Variants in TSPAN5 observed in about 807,000 individuals in gnomAD.
TSPAN5 encodes tetraspanin 5.
Under a neutral mutation model 37.1 loss-of-function variants are expected in TSPAN5, and 10 were observed. The ratio of observed to expected loss-of-function variants is 0.27; its 90% CI spans 0.17 to 0.46. The LOEUF is 0.46. Among genes scored for constraint, TSPAN5 ranks in the 20% least tolerant of loss-of-function variants. The pLI, the probability that TSPAN5 is intolerant of heterozygous loss-of-function variation, is 1.00. For missense variants in TSPAN5, 195 were observed against 326.6 expected, an observed-to-expected ratio of 0.60 and a Z score of 3.11; for synonymous variants, 110 against 118.9, an observed-to-expected ratio of 0.93 and a Z score of 0.48.
At chr4:98,524,287 G>A (rs1347434672) in intron 1 of TSPAN5, among the ~76,000 whole-genome samples, 1 of 152,180 alleles carries the variant, frequency 6.6e-6, no homozygotes, top group Non-Finnish European at 1.5e-5. Context: ...TAACCAGAGA[G>A]GGTCGCCATG....
At chr4:98,603,090 C>T (rs1156399838) in intron 1 of TSPAN5, among the ~76,000 whole-genome samples, 2 of 152,226 alleles carry the variant, frequency 1.3e-5, no homozygotes, top group Non-Finnish European at 1.5e-5. Context: ...TTTCCTTCTT[C>T]TATACCTTTG....
intron 1 of TSPAN5, among the ~76,000 whole-genome samples, chr4:98,608,834 A>T (rs182060273): frequency 4.3e-4 from 66 of 151,898 alleles, no homozygotes; most frequent in African/African-American, 1.5e-3. Flanking sequence ...TAAGTCCACA[A>T]CCTTATACTC....
At chr4:98,590,914 G>T (rs1460781815) in intron 1 of TSPAN5, among the ~76,000 whole-genome samples, 1 of 152,052 alleles carries the variant, frequency 6.6e-6, no homozygotes, top group Admixed American at 6.6e-5. Flanking sequence ...ACCTGAGAAG[G>T]CAAGCAGGAA....
intron 1 of TSPAN5, among the ~76,000 whole-genome samples, chr4:98,578,254 C>G (rs549764754): frequency 6.6e-6 from 1 of 152,248 alleles, no homozygotes; most frequent in South Asian, 2.1e-4. Context: ...CCTGCAGAGC[C>G]AACACATCTG....
intron 1 of TSPAN5, among the ~76,000 whole-genome samples, chr4:98,615,462 A>G (rs1756303061): frequency 6.6e-6 from 1 of 152,144 alleles, no homozygotes; most frequent in Non-Finnish European, 1.5e-5. Context: ...TTATTTCTAG[A>G]TTCTCAAATG....
intron 1 of TSPAN5, among the ~76,000 whole-genome samples, chr4:98,614,564 T>C (rs1756275169): frequency 6.6e-6 from 1 of 152,202 alleles, no homozygotes; most frequent in Admixed American, 6.5e-5. Context: ...TGAGCCACTC[T>C]TGTTTTTTAA....
chr4:98,541,150 C>G (rs1754348093), intron 1 of TSPAN5, among the ~76,000 whole-genome samples: 1 of 152,170 alleles, frequency 6.6e-6, no homozygotes, highest in African/African-American at 2.4e-5. Context: ...TCATTCCCTC[C>G]TTCTCTAGAC....
At chr4:98,657,236 G>A (rs1443322092) in intron 1 of TSPAN5, among the ~76,000 whole-genome samples, 1 of 152,138 alleles carries the variant, frequency 6.6e-6, no homozygotes, top group Non-Finnish European at 1.5e-5. Context: ...AAGAGTAGGC[G>A]TCCCAGCCTA....
At chr4:98,487,036 AAGAAAGAGAGAG>A (rs1752978176) in intron 2 of TSPAN5, 152 bp from the exon 3 acceptor site, 5 of 556,600 alleles carry the variant, frequency 9.0e-6, no homozygotes, top group Non-Finnish European at 1.5e-5. Context: ...TAAGAGAGGA[AAGAAAGAGAGAG>A]AGAAAGAGAA....
At chr4:98,495,119 T>G (rs1474645122) in intron 2 of TSPAN5, among the ~76,000 whole-genome samples, 2 of 152,174 alleles carry the variant, frequency 1.3e-5, no homozygotes, top group Non-Finnish European at 2.9e-5. Context: ...ACTGGCACAC[T>G]GGTTGTCAGT....
At chr4:98,512,918 C>G (rs533630117) in intron 1 of TSPAN5, among the ~76,000 whole-genome samples, 83 of 152,210 alleles carry the variant, frequency 5.5e-4, no homozygotes, top group Admixed American at 1.8e-3. Flanking sequence ...AAGAGTAAAA[C>G]GTAAAATCAT....
chr4:98,529,556 C>T (rs951083443), intron 1 of TSPAN5, among the ~76,000 whole-genome samples: 20 of 152,310 alleles, frequency 1.3e-4, no homozygotes, highest in Middle Eastern at 3.4e-3. Flanking sequence ...CGTCACTTTC[C>T]AACTGTGGAA....
chr4:98,565,856 A>C (rs1754993646), intron 1 of TSPAN5, among the ~76,000 whole-genome samples: 1 of 152,218 alleles, frequency 6.6e-6, no homozygotes, highest in South Asian at 2.1e-4. Flanking sequence ...TGCTGCTGCA[A>C]CAAAGTGGTC....
At chr4:98,564,218 T>C (rs1042848875) in intron 1 of TSPAN5, among the ~76,000 whole-genome samples, 1 of 152,218 alleles carries the variant, frequency 6.6e-6, no homozygotes, top group Non-Finnish European at 1.5e-5. Flanking sequence ...ACCTAAATGA[T>C]ACATACAGTT....
intron 1 of TSPAN5, among the ~76,000 whole-genome samples, chr4:98,538,345 C>T (rs1172791601): frequency 1.3e-5 from 2 of 152,228 alleles, no homozygotes; most frequent in African/African-American, 4.8e-5. Context: ...AGGGTCTCCT[C>T]TGGCTGAGGG....
chr4:98,621,428 C>T (rs528293770), intron 1 of TSPAN5, among the ~76,000 whole-genome samples: 9 of 145,386 alleles, frequency 6.2e-5, no homozygotes, highest in African/African-American at 1.3e-4. Context: ...AATGCAGTGG[C>T]GCGATCTCTG....
chr4:98,647,461 TG>T (rs1317425033), intron 1 of TSPAN5, among the ~76,000 whole-genome samples: 2 of 152,336 alleles, frequency 1.3e-5, no homozygotes, highest in East Asian at 3.9e-4. Flanking sequence ...TTAAAATAGC[TG>T]GCCTGAATAT....
chr4:98,479,299 C>T (rs1395190203), intron 4 of TSPAN5, among the ~76,000 whole-genome samples: 1 of 152,092 alleles, frequency 6.6e-6, no homozygotes, highest in East Asian at 1.9e-4. Flanking sequence ...TTATGGAGCG[C>T]AGGGAGACCC....
At chr4:98,488,124 T>C (rs1430391551) in intron 2 of TSPAN5, among the ~76,000 whole-genome samples, 8 of 152,106 alleles carry the variant, frequency 5.3e-5, no homozygotes, top group Non-Finnish European at 7.4e-5. Flanking sequence ...TTGAGGAAAA[T>C]GGAACTCAGA....
Sources: gnomAD v4.1 joint callset for allele counts (sites outside exome capture counted in the v4.1 genomes callset) on GRCh38, gnomAD v4.1.1 for gene constraint, MANE v1.5 for transcripts, NCBI Gene and HGNC (gene_info 2026-07-23, HGNC 2026-07-21) for gene names.